Variants in PRKG1 observed in about 807,000 individuals in gnomAD.
The protein encoded by PRKG1 is cGMP-dependent protein kinase 1.
PRKG1 carries 35 observed loss-of-function variants against 88.1 expected under a neutral mutation model. The observed-to-expected ratio is 0.40, with a 90% CI of 0.30 to 0.53. The LOEUF is 0.53. PRKG1 is among the 20% of genes least tolerant of loss of function. The pLI is 0.59. For missense variants in PRKG1, 540 were observed against 839.8 expected (o/e 0.64, Z 4.41); for synonymous variants, 303 against 292.5 (o/e 1.04, Z -0.37).
intron 9 of PRKG1, among the ~76,000 whole-genome samples, chr10:52,213,501 G>A (rs113953503): frequency 2.0e-5 from 3 of 152,198 alleles, no homozygotes; most frequent in Admixed American, 6.6e-5. Flanking sequence ...TAGCAGCAAT[G>A]CATTCATGAA....
At chr10:51,384,962 T>C (rs1837213507) in intron 2 of PRKG1, among the ~76,000 whole-genome samples, 1 of 152,176 alleles carries the variant, frequency 6.6e-6, no homozygotes, top group Non-Finnish European at 1.5e-5. Context: ...AGCAAACAAA[T>C]GAAACAAGAA....
chr10:51,894,338 T>C (rs1376482174), intron 4 of PRKG1, among the ~76,000 whole-genome samples: 1 of 152,110 alleles, frequency 6.6e-6, no homozygotes, highest in Non-Finnish European at 1.5e-5. Flanking sequence ...GTGATTCTAC[T>C]TCTAAGGGAT....
intron 3 of PRKG1, among the ~76,000 whole-genome samples, chr10:51,789,853 G>A (rs530695971): frequency 6.6e-6 from 1 of 151,604 alleles, no homozygotes; most frequent in East Asian, 1.9e-4. Context: ...ATGGAGTCTT[G>A]CTTTGTTGCC....
chr10:51,496,052 C>T (rs117428167), intron 3 of PRKG1, among the ~76,000 whole-genome samples: 2,031 of 152,080 alleles, frequency 0.013, 21 homozygotes, highest in Non-Finnish European at 0.02. Context: ...TGTAGAGTAT[C>T]CAGTAAGCTC....
At chr10:52,190,547 A>G (rs1420297732) in intron 9 of PRKG1, among the ~76,000 whole-genome samples, 2 of 152,134 alleles carry the variant, frequency 1.3e-5, no homozygotes, top group African/African-American at 4.8e-5. Context: ...CTATTAGAAA[A>G]ATATTCTTAT....
At chr10:51,391,536 C>T (rs911824903) in intron 2 of PRKG1, among the ~76,000 whole-genome samples, 1 of 152,152 alleles carries the variant, frequency 6.6e-6, no homozygotes, top group African/African-American at 2.4e-5. Context: ...CCTTTTGAGG[C>T]TTACACATAT....
intron 3 of PRKG1, among the ~76,000 whole-genome samples, chr10:51,531,923 A>G (rs1296104812): frequency 6.6e-6 from 1 of 152,030 alleles, no homozygotes; most frequent in Non-Finnish European, 1.5e-5. Context: ...AATTACAGGC[A>G]TGAGCTACCG....
intron 4 of PRKG1, among the ~76,000 whole-genome samples, chr10:51,825,797 G>A (rs1311624455): frequency 6.6e-6 from 1 of 152,172 alleles, no homozygotes; most frequent in African/African-American, 2.4e-5. Context: ...ATGGTTTGGG[G>A]TGTGGAGGGA....
At chr10:51,689,239 A>ACTAT (rs1164074395) in intron 3 of PRKG1, among the ~76,000 whole-genome samples, 88,002 of 150,142 alleles carry the variant, frequency 0.59, 26,936 homozygotes, top group Middle Eastern at 0.67. Context: ...AAATCTATCT[A>ACTAT]CTATCTATCT....
At chr10:51,353,072 G>A (rs911205978) in intron 2 of PRKG1, among the ~76,000 whole-genome samples, 12 of 152,050 alleles carry the variant, frequency 7.9e-5, no homozygotes, top group East Asian at 3.9e-4. Flanking sequence ...TAAATGGTGC[G>A]GGGAAAACTG....
intron 3 of PRKG1, among the ~76,000 whole-genome samples, chr10:51,784,230 T>G (rs1838672054): frequency 6.6e-6 from 1 of 152,130 alleles, no homozygotes; most frequent in Admixed American, 6.6e-5. Flanking sequence ...AAATACATGC[T>G]GTGCATGCAG....
chr10:51,638,628 GAAAT>G (rs1839717466), intron 3 of PRKG1, among the ~76,000 whole-genome samples: 1 of 152,032 alleles, frequency 6.6e-6, no homozygotes, highest in South Asian at 2.1e-4. Flanking sequence ...AGATAACCAA[GAAAT>G]TCTTTGTTAT....
chr10:51,983,464 G>T (rs540610245), intron 5 of PRKG1, among the ~76,000 whole-genome samples: 1 of 152,292 alleles, frequency 6.6e-6, no homozygotes, highest in East Asian at 1.9e-4. Context: ...AGGCTGCACT[G>T]TAAGCAGGTG....
At chr10:52,204,829 A>G (rs1168866802) in intron 9 of PRKG1, among the ~76,000 whole-genome samples, 1 of 152,190 alleles carries the variant, frequency 6.6e-6, no homozygotes, top group Non-Finnish European at 1.5e-5. Flanking sequence ...AGAACAGGAT[A>G]ACAGTGGTTT....
chr10:51,692,436 G>A (rs1404289915), intron 3 of PRKG1, among the ~76,000 whole-genome samples: 3 of 151,912 alleles, frequency 2.0e-5, no homozygotes, highest in East Asian at 1.9e-4. Flanking sequence ...TAGTAGAGAC[G>A]GATTTTCACC....
chr10:51,289,647 T>C (rs1327071921), intron 2 of PRKG1, among the ~76,000 whole-genome samples: 1 of 151,978 alleles, frequency 6.6e-6, no homozygotes. Context: ...TTCTGAGTAC[T>C]AATCTCTGGT....
chr10:51,720,175 C>T (rs759762375), intron 3 of PRKG1, among the ~76,000 whole-genome samples: 1 of 152,072 alleles, frequency 6.6e-6, no homozygotes, highest in Non-Finnish European at 1.5e-5. Context: ...CACTACCTTC[C>T]CCCTTAAAGT....
At chr10:51,214,512 T>G (rs1838318539) in intron 2 of PRKG1, among the ~76,000 whole-genome samples, 2 of 152,088 alleles carry the variant, frequency 1.3e-5, no homozygotes, top group Admixed American at 1.3e-4. Flanking sequence ...GACAGGGTAT[T>G]GCTCTTTTGC....
intron 5 of PRKG1, among the ~76,000 whole-genome samples, chr10:51,970,895 G>A (rs777808321): frequency 1.3e-5 from 2 of 149,420 alleles, no homozygotes; most frequent in Non-Finnish European, 3.0e-5. Flanking sequence ...AAGAAAATAT[G>A]GACTAGAGTA....
Sources: allele counts gnomAD v4.1 joint callset (sites outside exome capture counted in the v4.1 genomes callset), GRCh38; gene constraint gnomAD v4.1.1; transcripts MANE v1.5; gene names NCBI Gene and HGNC (gene_info 2026-07-23, HGNC 2026-07-21).